MDGA1: variants seen among roughly 807,000 people sequenced by gnomAD.
MDGA1 encodes MAM domain-containing glycosylphosphatidylinositol anchor protein 1.
Under a neutral mutation model 101.5 loss-of-function variants are expected in MDGA1, and 54 were observed. The ratio of observed to expected loss-of-function variants is 0.53; its 90% CI spans 0.43 to 0.67. The LOEUF (loss-of-function observed/expected upper bound fraction) is 0.67. Among genes scored for constraint, MDGA1 ranks in the 30% least tolerant of loss-of-function variants. The probability of loss-of-function intolerance (pLI) is 0.00; values close to 1 mark genes in which losing one functional copy is unlikely to be tolerated. For synonymous variants in MDGA1, 533 were observed against 558.3 expected (o/e 0.95, Z 0.64); for missense variants, 1,083 against 1,323.8 (o/e 0.82, Z 2.82).
In MDGA1 at chr6:37,655,628, T is replaced by C; in HGVS notation, c.579+72A>G. ...TTGAAGTCAAGGCAGTCCCAAAAAC[T>C]CAGCCCCATGCCCCCCTCCCCTGTT... On this transcript the variant is annotated intron_variant, in intron 4 of 16. Transcript: ENST00000434837. The surrounding 1 kb of genome is among the most constrained non-coding windows in gnomAD (Gnocchi z 5.1). The C allele has an allele frequency of 1.6e-6, 2 of 1,245,796 alleles. No individual in the cohort carries two copies. The highest frequency in any genetic ancestry group is 2.2e-6 in the Non-Finnish European group (2 of 902,148). The allele number at this position is 1,245,796 out of a possible 1,614,324, so 77.2% of individuals were successfully genotyped here.
Position 37,633,895 on chromosome 6 carries a change from C to G in MDGA1, c.*3473G>C, listed in dbSNP as rs34833244. 0.16 allele frequency: 24,515 copies of G among 152,482 alleles called. 2,351 individuals carry two copies. The highest frequency in any genetic ancestry group is 0.22 in the Middle Eastern group (65 of 294). 9.4% of individuals were successfully genotyped at this position (152,482 alleles called of 1,614,324 possible). On this transcript the variant is annotated 3_prime_UTR_variant, in exon 17 of 17. Coordinates refer to ENST00000434837, the MANE Select transcript of MDGA1 (RefSeq NM_153487.4). ...TGTGACCTTGGGCCACTCCCCTTCC[C>G]CACTCTGGGCTTCAGCTTCTTCATC... is the stretch of plus-strand genomic sequence containing the variant.
rs748022262 is a variant in MDGA1, at chr6:37,658,392, C to T, written c.235G>A (p.Ala79Thr). 6 of 1,610,666 alleles carry T rather than the reference C, an allele frequency of 3.7e-6. No homozygotes were observed. The highest frequency in any genetic ancestry group is 5.1e-6 in the Non-Finnish European group (6 of 1,178,630). ...QVRWTKTAGS[A>T]SDKFQETSVF... is the part of the protein sequence containing the mutation. Reference sequence around the variant, plus strand: ...GATGTCTCCTGGAACTTGTCCGAGGCGCTACCTGCCGTCTTGGTCCACCGT... The same window carrying T: ...GATGTCTCCTGGAACTTGTCCGAGGTGCTACCTGCCGTCTTGGTCCACCGT... The change falls in exon 3 of 17, where the codon GCC becomes ACC. Residue 79 changes from alanine (A) to threonine (T), a missense_variant. Transcript: ENST00000434837.
Position 37,696,703 on chromosome 6 carries a change from G to T in MDGA1, c.67+42C>A, listed in dbSNP as rs749415469. ...ACTTTGCGCCTCTTGCAAAGTTTCC[G>T]CGCGAGGTTAAGCCAAGGTGGAGCG... On this transcript the variant is annotated intron_variant, in intron 1 of 16. Transcript: ENST00000434837. The surrounding 1 kb of genome is among the most constrained non-coding windows in gnomAD (Gnocchi z 5.6). 1 of 1,546,250 alleles carries T rather than the reference G, an allele frequency of 6.5e-7. No homozygotes were observed. The highest frequency in any genetic ancestry group is 1.2e-5 in the South Asian group (1 of 84,132).
intron 8 of MDGA1, 109 bp from the exon 9 acceptor site, chr6:37,649,375 G>A: frequency 7.2e-7 from 1 of 1,387,342 alleles, no homozygotes; most frequent in African/African-American, 1.5e-5. Context: ...GCCCCCGCCA[G>A]GAAAAATCCC....
At chr6:37,641,831 C>A (rs1415062042) in intron 14 of MDGA1, 1 of 152,104 alleles carries the variant, frequency 6.6e-6, no homozygotes, top group Non-Finnish European at 1.5e-5. Flanking sequence ...CTTATGAAGT[C>A]CAGACCCAGC....
At chr6:37,674,301 G>A (rs1398196489) in intron 1 of MDGA1, among the ~76,000 whole-genome samples, 1 of 152,258 alleles carries the variant, frequency 6.6e-6, no homozygotes, top group African/African-American at 2.4e-5. Flanking sequence ...ACAGCTGAAA[G>A]GATCAGTGTG....
chr6:37,671,705 C>T (rs1761872289), intron 1 of MDGA1, among the ~76,000 whole-genome samples: 1 of 152,198 alleles, frequency 6.6e-6, no homozygotes, highest in South Asian at 2.1e-4. Flanking sequence ...AGAATTCTCA[C>T]TGTAATGGGG....
intron 6 of MDGA1, among the ~76,000 whole-genome samples, chr6:37,653,357 C>G (rs1761410938): frequency 6.6e-6 from 1 of 152,170 alleles, no homozygotes; most frequent in Non-Finnish European, 1.5e-5. Context: ...TAAAAAGTCA[C>G]AGAGAGCTAG....
Position 37,644,653 on chromosome 6 carries a change from C to T in MDGA1, c.2249-4G>A, listed in dbSNP as rs1177266375. ...TCCTCAAAGTGGCAGGTGTTGTCTG[C>T]ATTTTATGGGGCGAATGAGACAAAG... On this transcript the variant is annotated splice_region_variant and splice_polypyrimidine_tract_variant and intron_variant, in intron 12 of 16. Coordinates refer to ENST00000434837, the MANE Select transcript of MDGA1 (RefSeq NM_153487.4). The T allele has an allele frequency of 6.4e-7, 1 of 1,570,000 alleles. No individual in the cohort carries two copies. Among genetic ancestry groups the T allele is most frequent in the Non-Finnish European group, 8.6e-7 (1 of 1,157,910 alleles).
chr6:37,657,628 A>T (rs1453980551), intron 3 of MDGA1, among the ~76,000 whole-genome samples: 1 of 152,172 alleles, frequency 6.6e-6, no homozygotes, highest in Non-Finnish European at 1.5e-5. Context: ...ATAAGCCTTA[A>T]AATGGTGCCA....
intron 1 of MDGA1, among the ~76,000 whole-genome samples, chr6:37,684,946 T>C (rs1244610246): frequency 4.6e-5 from 7 of 152,042 alleles, no homozygotes; most frequent in Non-Finnish European, 1.0e-4. Flanking sequence ...CATTTCCCCA[T>C]CTCTATCTGC....
intron 1 of MDGA1, among the ~76,000 whole-genome samples, chr6:37,664,831 GCCTAA>G (rs1411367623): frequency 8.6e-5 from 9 of 104,450 alleles, no homozygotes; most frequent in South Asian, 3.5e-4. Flanking sequence ...CTTTTAGAGA[GCCTAA>G]CCTAAGACAC....
At position 37,638,151 on chromosome 6, in the gene MDGA1, G is replaced by A. The variant is rs1418108609; in HGVS notation, c.2776+54C>T. The A allele has an allele frequency of 8.1e-6, 12 of 1,476,266 alleles. No individual in the cohort carries two copies. The highest frequency in any genetic ancestry group is 2.3e-5 in the South Asian group (2 of 86,760). 91.4% of individuals were successfully genotyped at this position (1,476,266 alleles called of 1,614,324 possible). ...CCTCCCTCAACAGACAGGAACCCCC[G>A]CCACGCACAGCTCCCTCCAGATTCA... On this transcript the variant is annotated intron_variant, in intron 16 of 16. Coordinates refer to ENST00000434837, the MANE Select transcript of MDGA1 (RefSeq NM_153487.4). This position sits in a 1 kb window ranked among gnomAD's most constrained non-coding sequence, Gnocchi z 4.8.
intron 2 of MDGA1, among the ~76,000 whole-genome samples, chr6:37,659,679 G>A (rs1210273741): frequency 2.6e-5 from 4 of 152,126 alleles, no homozygotes; most frequent in Admixed American, 6.5e-5. Context: ...AGCAAGGCTG[G>A]GGAGAAGGGG....
chr6:37,690,408 T>A (rs1207024638), intron 1 of MDGA1, among the ~76,000 whole-genome samples: 1 of 152,204 alleles, frequency 6.6e-6, no homozygotes, highest in Non-Finnish European at 1.5e-5. Context: ...TAAATGACTT[T>A]CTCAAGGAGT....
Position 37,637,095 on chromosome 6 carries a change from C to T in MDGA1, c.*273G>A. ...CCCTGTCTTTGCAGTAAAGAAGGTG[C>T]TGGCAGGTCAGATAGAAACTTGTGC... On this transcript the variant is annotated 3_prime_UTR_variant, in exon 17 of 17. Transcript: ENST00000434837. 2 of 358,464 alleles carry T rather than the reference C, an allele frequency of 5.6e-6. No homozygotes were observed. Among genetic ancestry groups the T allele is most frequent in the Non-Finnish European group, 1.0e-5 (2 of 197,240 alleles). 22.2% of individuals were successfully genotyped at this position (358,464 alleles called of 1,614,324 possible).
In MDGA1 at chr6:37,655,639, C is replaced by A. The variant is rs1009470583; in HGVS notation, c.579+61G>T. On this transcript the variant is annotated intron_variant, in intron 4 of 16. Transcript: ENST00000434837. The surrounding 1 kb of genome is among the most constrained non-coding windows in gnomAD (Gnocchi z 5.1). ...GCAGTCCCAAAAACTCAGCCCCATG[C>A]CCCCCTCCCCTGTTGGATGCAGGAG... 2.2e-6 allele frequency: 3 copies of A among 1,357,008 alleles called. No individual in the cohort carries two copies. Among genetic ancestry groups the A allele is most frequent in the Non-Finnish European group, 3.0e-6 (3 of 998,122 alleles). The allele number at this position is 1,357,008 out of a possible 1,614,324, so 84.1% of individuals were successfully genotyped here.
intron 7 of MDGA1, among the ~76,000 whole-genome samples, 162 bp downstream of exon 7, chr6:37,651,849 G>A (rs1009838804): frequency 6.6e-6 from 1 of 152,212 alleles, no homozygotes; most frequent in African/African-American, 2.4e-5. Flanking sequence ...CTAGCACAGT[G>A]CCTGGCATAT....
intron 7 of MDGA1, among the ~76,000 whole-genome samples, chr6:37,651,718 C>T (rs1024978322): frequency 4.6e-5 from 7 of 152,188 alleles, no homozygotes; most frequent in African/African-American, 1.7e-4. Context: ...TCTTTCCAGG[C>T]TCTCATGTAT....
Sources: gnomAD v4.1 joint callset for allele counts (sites outside exome capture counted in the v4.1 genomes callset) on GRCh38, gnomAD v4.1.1 for gene constraint, Gnocchi (gnomAD v3.1) non-coding constraint, MANE v1.5 for transcripts, NCBI Gene and HGNC (gene_info 2026-07-23, HGNC 2026-07-21) for gene names.